CYSLTR1: variants seen among roughly 807,000 people sequenced by gnomAD.
CYSLTR1 encodes the protein cysteinyl leukotriene receptor 1.
CYSLTR1 carries 1 observed loss-of-function variant against 2.1 expected under a neutral mutation model. That is an observed-to-expected ratio of 0.48 (90% CI 0.17 to 2.28). The LOEUF is 2.28. CYSLTR1 is among the 30% of genes most tolerant of loss of function. CYSLTR1 has a pLI of 0.26. For synonymous variants in CYSLTR1, 110 were observed against 89.6 expected (o/e 1.23, Z -1.28); for missense variants, 299 against 250.1 (o/e 1.20, Z -1.32).
At chrX:78,287,532 C>T (rs1350847760) in intron 1 of CYSLTR1, among the ~76,000 whole-genome samples, 1 of 111,334 alleles carries the variant, frequency 9.0e-6, no homozygotes, top group African/African-American at 3.3e-5. Flanking sequence ...GAATTGTACA[C>T]TTACAATGGG....
At chrX:78,281,835 T>G (rs1332623571) in intron 2 of CYSLTR1, among the ~76,000 whole-genome samples, 3 of 111,946 alleles carry the variant, frequency 2.7e-5, no homozygotes, top group Non-Finnish European at 3.8e-5. Flanking sequence ...CAATCTATCT[T>G]GCTACAAACC....
chrX:78,283,782 G>T (rs1409617343), intron 1 of CYSLTR1, among the ~76,000 whole-genome samples: 1 of 112,051 alleles, frequency 8.9e-6, no homozygotes, highest in African/African-American at 3.2e-5. Flanking sequence ...GCTGCTGTGT[G>T]CATGTAGCAT....
chrX:78,298,832 G>T (rs932585871), intron 1 of CYSLTR1, among the ~76,000 whole-genome samples: 1 of 111,307 alleles, frequency 9.0e-6, no homozygotes, highest in African/African-American at 3.3e-5. Context: ...CTTTCAGCCA[G>T]TCTATGTCTT....
At chrX:78,274,105 T>C (rs1921453977) in intron 2 of CYSLTR1, among the ~76,000 whole-genome samples, 1 of 111,763 alleles carries the variant, frequency 8.9e-6, no homozygotes, top group South Asian at 3.7e-4. Context: ...CAAATGAACT[T>C]GTTTTTCTAT....
intron 1 of CYSLTR1, among the ~76,000 whole-genome samples, chrX:78,289,061 C>T (rs754464111): frequency 1.8e-5 from 2 of 110,395 alleles, no homozygotes; most frequent in African/African-American, 6.6e-5. Context: ...TTCGCTGCAC[C>T]CATCAACTCA....
chrX:78,288,054 T>C (rs1922143917), intron 1 of CYSLTR1, among the ~76,000 whole-genome samples: 1 of 110,731 alleles, frequency 9.0e-6, no homozygotes, highest in South Asian at 3.9e-4. Context: ...ATAAAATAAT[T>C]AGCCATGTAT....
At chrX:78,282,260 A>T (rs963210259) in intron 2 of CYSLTR1, among the ~76,000 whole-genome samples, 1 of 111,790 alleles carries the variant, frequency 8.9e-6, no homozygotes, top group Non-Finnish European at 1.9e-5. Flanking sequence ...TCTATCTTTG[A>T]TGAACTTCTA....
At position 78,317,569 on chromosome X, in the gene CYSLTR1, G is replaced by A. The variant is rs759401834; in HGVS notation, c.-115+9736C>T. Among the ~76,000 whole-genome samples the A allele has an allele frequency of 1.4e-4, 16 of 112,172 alleles. 1 individual carries two copies. The highest frequency in any genetic ancestry group is 2.8e-4 in the Non-Finnish European group (15 of 53,249). On this transcript the variant is annotated intron_variant, in intron 1 of 2. Transcript: ENST00000373304. ...GCACTATTCACACTTGCAAAAATAT[G>A]GAACCAGCCTAAATGCCCATCAACC...
chrX:78,325,251 A>G (rs1035309747), intron 1 of CYSLTR1, among the ~76,000 whole-genome samples: 3 of 111,530 alleles, frequency 2.7e-5, no homozygotes, highest in Non-Finnish European at 3.8e-5. Context: ...GACAGGTCCT[A>G]AGAGTAGGAT....
At chrX:78,296,697 C>T (rs1291951200) in intron 1 of CYSLTR1, among the ~76,000 whole-genome samples, 1 of 111,218 alleles carries the variant, frequency 9.0e-6, no homozygotes, top group African/African-American at 3.3e-5. Context: ...ACATTGTTCA[C>T]TGTTGGCTTA....
In CYSLTR1 at chrX:78,272,840, TA is replaced by T; in HGVS notation, c.906del (p.Phe302LeufsTer16). 1 of 1,211,276 alleles carries T rather than the reference TA, an allele frequency of 8.3e-7. No homozygotes were observed. Among genetic ancestry groups the T allele is most frequent in the Non-Finnish European group, 1.1e-6 (1 of 895,319 alleles). ...TTTCTGAATGTAGACAGCCTTTTCC[TA>T]AAGTTACCCCCAGAAAAGAAATATA... Reference protein sequence around the residue: ...PLLYFFSGGNFRKRLSTFRKH... With the variant: ...PLLYFFSGGNXRKRLSTFRKH... On this transcript the variant is annotated frameshift_variant, in exon 3 of 3. Coordinates refer to ENST00000373304, the MANE Select transcript of CYSLTR1 (RefSeq NM_006639.4). LOFTEE classifies it high-confidence loss of function.
At chrX:78,288,505 C>T (rs773056796) in intron 1 of CYSLTR1, among the ~76,000 whole-genome samples, 2 of 109,875 alleles carry the variant, frequency 1.8e-5, no homozygotes, top group South Asian at 8.1e-4. Flanking sequence ...TGATAATTTC[C>T]ATTTGTTGCT....
chrX:78,301,577 C>T (rs756524401), intron 1 of CYSLTR1, among the ~76,000 whole-genome samples: 75 of 112,134 alleles, frequency 6.7e-4, no homozygotes, highest in African/African-American at 1.2e-3. Flanking sequence ...TCTGAGACCA[C>T]CTCAGCTTGG....
At chrX:78,307,701 TG>T (rs1264842009) in intron 1 of CYSLTR1, among the ~76,000 whole-genome samples, 2 of 110,154 alleles carry the variant, frequency 1.8e-5, no homozygotes, top group African/African-American at 6.6e-5. Flanking sequence ...TACCAAAGAG[TG>T]AATGTCTAGG....
chrX:78,314,957 C>T (rs1309634395), intron 1 of CYSLTR1, among the ~76,000 whole-genome samples: 1 of 107,285 alleles, frequency 9.3e-6, no homozygotes, highest in Non-Finnish European at 1.9e-5. Context: ...GCGCTTATAT[C>T]ATCCTTCTTC....
intron 1 of CYSLTR1, among the ~76,000 whole-genome samples, chrX:78,290,788 A>G (rs1051321903): frequency 1.7e-4 from 19 of 111,717 alleles, no homozygotes; most frequent in African/African-American, 5.9e-4. Context: ...AATGCTTGTG[A>G]TTTTTGCACA....
At position 78,273,734 on chromosome X, in the gene CYSLTR1, C is replaced by A; in HGVS notation, c.13G>T (p.Gly5Ter). The A allele has an allele frequency of 8.4e-7, 1 of 1,194,590 alleles. No homozygotes were observed. The change falls in exon 3 of 3, where the codon GGA becomes TGA. Residue 5 changes from glycine to a stop codon, truncating the protein, a stop_gained. Transcript: ENST00000373304. LOFTEE classifies it low-confidence loss of function (END_TRUNC). The stretch of plus-strand genomic sequence containing the variant: ...GTGGCAGAAGATACTGTCAGATTTC[C>A]TGTTTCATCCATGTTTCTCTACGAA... MDET[G>*]NLTVSSATCH... is the part of the protein sequence containing the mutation.
intron 1 of CYSLTR1, among the ~76,000 whole-genome samples, chrX:78,326,098 T>C (rs1272138628): frequency 1.8e-5 from 2 of 111,840 alleles, no homozygotes. Context: ...GCTGGTGTAG[T>C]CAATACTTAG....
chrX:78,309,749 T>C (rs1186584493), intron 1 of CYSLTR1, among the ~76,000 whole-genome samples: 2 of 111,952 alleles, frequency 1.8e-5, no homozygotes, highest in Non-Finnish European at 3.8e-5. Flanking sequence ...ATGTTAGAGA[T>C]GGAAGAGCAC....
Sources: allele counts gnomAD v4.1 joint callset (sites outside exome capture counted in the v4.1 genomes callset), GRCh38; gene constraint gnomAD v4.1.1; transcripts MANE v1.5; gene names NCBI Gene and HGNC (gene_info 2026-07-23, HGNC 2026-07-21).